RHOBTB1: variants seen among roughly 807,000 people sequenced by gnomAD.
RHOBTB1 encodes the protein Rho related BTB domain containing 1.
A neutral mutation model predicts 71.6 loss-of-function variants in RHOBTB1; 40 were observed. That is an observed-to-expected ratio of 0.56 (90% CI 0.43 to 0.73). The LOEUF is 0.73. Ranked by LOEUF, RHOBTB1 falls within the 30% of genes least tolerant of loss-of-function variation. The probability of loss-of-function intolerance (pLI) is 0.00; values close to 1 mark genes in which losing one functional copy is unlikely to be tolerated. For missense variants in RHOBTB1, 797 were observed against 894.0 expected (o/e 0.89, Z 1.38); for synonymous variants, 319 against 334.9 (o/e 0.95, Z 0.52).
rs1203935982 is a variant in RHOBTB1, at chr10:60,871,173, A to AT, written c.*308dup. On this transcript the variant is annotated 3_prime_UTR_variant, in exon 11 of 11. Coordinates refer to ENST00000337910, the MANE Select transcript of RHOBTB1 (RefSeq NM_014836.5). Reference sequence around the variant, plus strand: ...CTGGAATCAGAAACATGAAAGCTGAATTTTTTTTCTTTGTATAAAAAGAAA... The same window carrying AT: ...CTGGAATCAGAAACATGAAAGCTGAATTTTTTTTTCTTTGTATAAAAAGAAA... 2.1e-5 allele frequency: 5 copies of AT among 242,398 alleles called. No homozygotes were observed. Among genetic ancestry groups the AT allele is most frequent in the South Asian group, 1.4e-4 (1 of 7,050 alleles). The allele number at this position is 242,398 out of a possible 1,614,324, so 15.0% of individuals were successfully genotyped here.
chr10:60,940,670 A>T (rs894417065), intron 2 of RHOBTB1, among the ~76,000 whole-genome samples: 4 of 152,230 alleles, frequency 2.6e-5, no homozygotes, highest in African/African-American at 9.6e-5. Flanking sequence ...GCGGTTCTGG[A>T]TGACTACATA....
chr10:60,933,606 G>A (rs2084385735), intron 2 of RHOBTB1, among the ~76,000 whole-genome samples: 1 of 151,926 alleles, frequency 6.6e-6, no homozygotes, highest in African/African-American at 2.4e-5. Context: ...TGTAGTCCAA[G>A]CTAGTCGGGA....
chr10:60,973,790 G>A (rs1234876299), intron 2 of RHOBTB1, among the ~76,000 whole-genome samples: 1 of 152,018 alleles, frequency 6.6e-6, no homozygotes, highest in East Asian at 1.9e-4. Context: ...TTTGGGGGCT[G>A]ACTTGAGTTA....
intron 7 of RHOBTB1, among the ~76,000 whole-genome samples, chr10:60,880,135 G>C (rs2081249860): frequency 6.6e-6 from 1 of 151,604 alleles, no homozygotes. Context: ...TGAGTTGGGG[G>C]GGTGGTCCTG....
chr10:60,899,329 A>C (rs2082301912), intron 4 of RHOBTB1, among the ~76,000 whole-genome samples: 2 of 152,222 alleles, frequency 1.3e-5, no homozygotes, highest in African/African-American at 2.4e-5. Flanking sequence ...ACTCTCTTTC[A>C]ACTCCGTCTG....
intron 2 of RHOBTB1, among the ~76,000 whole-genome samples, chr10:60,950,914 G>A (rs1282976478): frequency 1.3e-5 from 2 of 152,136 alleles, no homozygotes; most frequent in African/African-American, 4.8e-5. Flanking sequence ...AGAAAGTTTA[G>A]TATTTGAAGT....
chr10:60,906,955 G>A (rs2082711329), intron 4 of RHOBTB1, among the ~76,000 whole-genome samples: 1 of 152,210 alleles, frequency 6.6e-6, no homozygotes, highest in African/African-American at 2.4e-5. Context: ...CCAGTGGGAG[G>A]TAACTGAATC....
intron 2 of RHOBTB1, among the ~76,000 whole-genome samples, chr10:60,965,039 G>T (rs561052310): frequency 6.6e-6 from 1 of 152,202 alleles, no homozygotes; most frequent in African/African-American, 2.4e-5. Flanking sequence ...TAGGGTGATA[G>T]GAAGAGTGAG....
chr10:60,986,910 T>C (rs1472863732), intron 1 of RHOBTB1, among the ~76,000 whole-genome samples: 1 of 152,174 alleles, frequency 6.6e-6, no homozygotes. Flanking sequence ...GCAGCTTCCT[T>C]ACTAAGTCAT....
the RHOBTB1 span, among the ~76,000 whole-genome samples, chr10:60,862,542 C>CTTTCTTT: frequency 4.0e-4 from 60 of 150,110 alleles, no homozygotes; most frequent in Middle Eastern, 3.4e-3. Context: ...CTTTCTCTTT[C>CTTTCTTT]TTTCTTTCTT....
At chr10:60,877,874 C>T in intron 8 of RHOBTB1, 34 bp downstream of exon 8, 1 of 1,575,326 alleles carries the variant, frequency 6.3e-7, no homozygotes. Context: ...ACAAATATGA[C>T]AGACACTGCA....
chr10:60,891,334 C>CTTTTTTTTTTTTT (rs756153141), intron 5 of RHOBTB1, among the ~76,000 whole-genome samples: 3 of 71,320 alleles, frequency 4.2e-5, no homozygotes, highest in African/African-American at 1.2e-4. Context: ...TTGCTGTTTG[C>CTTTTTTTTTTTTT]TTTTTTTTTT....
chr10:60,892,866 A>G lies in RHOBTB1; in HGVS notation c.426T>C (p.Leu142=). 1 of 1,613,976 alleles carries G rather than the reference A, an allele frequency of 6.2e-7. No homozygotes were observed. Among genetic ancestry groups the G allele is most frequent in the Non-Finnish European group, 8.5e-7 (1 of 1,179,942 alleles). The change falls in exon 5 of 11, where the codon CTT becomes CTC. Residue 142 remains leucine, a synonymous_variant. Coordinates refer to ENST00000337910, the MANE Select transcript of RHOBTB1 (RefSeq NM_014836.5). ...CTTCCAGGTCGGCATAGCGGAGATC[A>G]AGCTGGCACCCAACAAGGATAACGG... ...RTPVILVGCQ[L]DLRYADLEAV...
chr10:60,969,140 T>A (rs796231897), intron 2 of RHOBTB1, among the ~76,000 whole-genome samples: 5 of 152,158 alleles, frequency 3.3e-5, no homozygotes, highest in African/African-American at 1.2e-4. Context: ...GAAGTTGAGA[T>A]GGAACAAATT....
chr10:60,967,495 C>T (rs1479976583), intron 2 of RHOBTB1, among the ~76,000 whole-genome samples: 1 of 151,702 alleles, frequency 6.6e-6, no homozygotes, highest in Non-Finnish European at 1.5e-5. Flanking sequence ...ACATTGTTCC[C>T]TCAAAAAACA....
downstream of RHOBTB1, among the ~76,000 whole-genome samples, chr10:60,867,871 T>A (rs1295564219): frequency 6.6e-6 from 1 of 152,204 alleles, no homozygotes; most frequent in East Asian, 1.9e-4. Context: ...TCATGATGCA[T>A]ATATCACCTG....
At chr10:60,981,862 T>A (rs2086507320) in intron 2 of RHOBTB1, among the ~76,000 whole-genome samples, 1 of 152,080 alleles carries the variant, frequency 6.6e-6, no homozygotes, top group Non-Finnish European at 1.5e-5. Flanking sequence ...CTCTGCCTCC[T>A]GGGTTCAAGT....
downstream of RHOBTB1, among the ~76,000 whole-genome samples, chr10:60,864,857 AT>A (rs1237881067): frequency 1.3e-5 from 2 of 151,996 alleles, no homozygotes; most frequent in Non-Finnish European, 2.9e-5. Context: ...TGCCCAGCTA[AT>A]TTTTGTACTT....
At chr10:60,952,072 C>A (rs916156729) in intron 2 of RHOBTB1, among the ~76,000 whole-genome samples, 2 of 151,102 alleles carry the variant, frequency 1.3e-5, no homozygotes, top group Non-Finnish European at 1.5e-5. Flanking sequence ...CCCCACCCCC[C>A]CAAAAAAGAA....
Sources: gnomAD v4.1 joint callset for allele counts (sites outside exome capture counted in the v4.1 genomes callset) on GRCh38, gnomAD v4.1.1 for gene constraint, MANE v1.5 for transcripts, NCBI Gene and HGNC (gene_info 2026-07-23, HGNC 2026-07-21) for gene names.